RNPS1: variants seen among roughly 807,000 people sequenced by gnomAD.
RNPS1 encodes the protein RNA-binding protein with serine-rich domain 1.
For synonymous variants in RNPS1, 147 were observed against 150.0 expected, an observed-to-expected ratio of 0.98 and a Z score of 0.15; for missense variants, 300 against 427.6, an observed-to-expected ratio of 0.70 and a Z score of 2.63.
At chr16:2,263,018 G>C in intron 4 of RNPS1, 78 bp downstream of exon 4, 5 of 1,467,606 alleles carry the variant, frequency 3.4e-6, no homozygotes, top group Non-Finnish European at 4.7e-6. Flanking sequence ...GACTCCTTTT[G>C]GGTCCCTTTT....
chr16:2,255,458 G>C, intron 7 of RNPS1, 127 bp downstream of exon 7: 1 of 1,115,930 alleles, frequency 9.0e-7, no homozygotes. Context: ...AGCTCTGAAG[G>C]GCTCCTGCTC....
At chr16:2,254,109 G>T in intron 7 of RNPS1, 46 bp from the exon 8 acceptor site, 2 of 1,330,196 alleles carry the variant, frequency 1.5e-6, no homozygotes, top group Non-Finnish European at 2.0e-6. Flanking sequence ...AGGCTGTAGG[G>T]GCAAGCTAGC....
intron 6 of RNPS1, among the ~76,000 whole-genome samples, chr16:2,261,086 T>G (rs578111932): frequency 6.6e-6 from 1 of 151,320 alleles, no homozygotes; most frequent in South Asian, 2.1e-4. Context: ...GCCGAGGTGG[T>G]GCTACTGCAC....
In RNPS1 at chr16:2,264,717, G is replaced by A. The variant is rs995065621; in HGVS notation, c.-74C>T. 3.8e-6 allele frequency: 6 copies of A among 1,591,774 alleles called. No individual in the cohort carries two copies. In the African/African-American group the frequency reaches 4.0e-5, roughly 11 times the overall value. On this transcript the variant is annotated 5_prime_UTR_variant, in exon 2 of 8. The change creates a premature stop within an existing upstream ORF in the 5' untranslated region. Transcript: ENST00000320225. Reference sequence around the variant, plus strand: ...GAACTCTCACTTCTAACTTGATTCTGAGAAACGATCCCTAATCGATTGCAA... The same window carrying A: ...GAACTCTCACTTCTAACTTGATTCTAAGAAACGATCCCTAATCGATTGCAA...
At chr16:2,260,147 C>CTTTTTTTTT (rs776703032) in intron 6 of RNPS1, among the ~76,000 whole-genome samples, 3 of 72,432 alleles carry the variant, frequency 4.1e-5, no homozygotes, top group Admixed American at 1.4e-4. Flanking sequence ...TGTGTGTATT[C>CTTTTTTTTT]TTTTTTTTTT....
intron 6 of RNPS1, chr16:2,258,358 T>C (rs1346982312): frequency 1.3e-5 from 2 of 152,380 alleles, no homozygotes; most frequent in East Asian, 1.9e-4. Flanking sequence ...CCAAGAATAG[T>C]GTTCCTTTAA....
At position 2,268,066 on chromosome 16, in the gene RNPS1, G is replaced by C. The variant is rs1436969674; in HGVS notation, c.-129C>G. ...CCGCCCCAACTTACATCTTCCCGCC[G>C]CCGCCACCTCCTCCTGCTTTCCTCA... On this transcript the variant is annotated 5_prime_UTR_variant, in exon 1 of 8. Coordinates refer to ENST00000320225, the MANE Select transcript of RNPS1 (RefSeq NM_080594.4). 1 of 1,535,058 alleles carries C rather than the reference G, an allele frequency of 6.5e-7. No individual in the cohort carries two copies. The highest frequency in any genetic ancestry group is 8.7e-7 in the Non-Finnish European group (1 of 1,146,654).
chr16:2,264,932 T>A (rs2093619179), intron 1 of RNPS1, 172 bp from the exon 2 acceptor site: 3 of 376,260 alleles, frequency 8.0e-6, no homozygotes, highest in Middle Eastern at 7.6e-4. Flanking sequence ...TGGAGGCGTC[T>A]CTACCCCGCA....
chr16:2,253,894 T>G lies in RNPS1; in HGVS notation c.*70A>C. On this transcript the variant is annotated 3_prime_UTR_variant, in exon 8 of 8. Transcript: ENST00000320225. ...GTTTGCTTTCCTACTGGTCTTCCTTTGGCTAGAAAAGTGACAAAACTGAGC... is the reference window on the plus strand; with the variant it reads ...GTTTGCTTTCCTACTGGTCTTCCTTGGGCTAGAAAAGTGACAAAACTGAGC... The G allele has an allele frequency of 7.2e-7, 1 of 1,384,848 alleles. No individual in the cohort carries two copies. Among genetic ancestry groups the G allele is most frequent in the Non-Finnish European group, 1.0e-6 (1 of 994,972 alleles). The allele number at this position is 1,384,848 out of a possible 1,614,324, so 85.8% of individuals were successfully genotyped here.
At chr16:2,255,525 T>C in intron 7 of RNPS1, 60 bp downstream of exon 7, 1 of 1,520,748 alleles carries the variant, frequency 6.6e-7, no homozygotes, top group Non-Finnish European at 8.8e-7. Context: ...GGTCTGAAAG[T>C]CACTGCGGTC....
intron 1 of RNPS1, 67 bp downstream of exon 1, chr16:2,267,988 G>A: frequency 6.5e-7 from 1 of 1,533,416 alleles, no homozygotes; most frequent in Non-Finnish European, 8.7e-7. Context: ...GGCTTCACGA[G>A]GCGTCCTGCC....
At chr16:2,259,064 A>C (rs1022198585) in intron 6 of RNPS1, among the ~76,000 whole-genome samples, 4 of 150,576 alleles carry the variant, frequency 2.7e-5, no homozygotes, top group South Asian at 4.2e-4. Flanking sequence ...CGGAGGTTGC[A>C]GTGAGCCAAG....
chr16:2,263,497 G>A (rs1202740917), intron 3 of RNPS1, among the ~76,000 whole-genome samples: 3 of 152,212 alleles, frequency 2.0e-5, no homozygotes, highest in Admixed American at 6.5e-5. Context: ...CAGGACAGAG[G>A]TGATGGGCTG....
Position 2,266,058 on chromosome 16 carries a change from G to A in RNPS1, c.-117-1298C>T, listed in dbSNP as rs562307412. On this transcript the variant is annotated intron_variant, in intron 1 of 7. Transcript: ENST00000320225. ...TAGTAAGGCTCTGCACAAGCTGCAG[G>A]AGTTGTTAAGTGAAGATCTCAGGAA... 8.5e-6 allele frequency: 8 copies of A among 942,582 alleles called. No individual in the cohort carries two copies. In the East Asian group the frequency reaches 4.6e-4, roughly 55 times the overall value. The allele number at this position is 942,582 out of a possible 1,614,324, so 58.4% of individuals were successfully genotyped here. A position where few individuals can be genotyped will look rare whatever the true frequency, so the allele number is the denominator to read the frequency against.
At chr16:2,257,604 C>CG (rs1239793245) in intron 6 of RNPS1, 2 of 152,080 alleles carry the variant, frequency 1.3e-5, no homozygotes, top group Admixed American at 1.3e-4. Flanking sequence ...AGAAGGTACC[C>CG]GGGTCCCCTG....
chr16:2,268,052 T>C lies in RNPS1; in HGVS notation c.-118+3A>G. 6.5e-7 allele frequency: 1 copy of C among 1,534,546 alleles called. No homozygotes were observed. Among genetic ancestry groups the C allele is most frequent in the Non-Finnish European group, 8.7e-7 (1 of 1,146,610 alleles). Reference sequence around the variant, plus strand: ...GATGCAGTCGGATTCCGCCCCAACTTACATCTTCCCGCCGCCGCCACCTCC... The same window carrying C: ...GATGCAGTCGGATTCCGCCCCAACTCACATCTTCCCGCCGCCGCCACCTCC... On this transcript the variant is annotated splice_donor_region_variant and intron_variant, in intron 1 of 7. Coordinates refer to ENST00000320225, the MANE Select transcript of RNPS1 (RefSeq NM_080594.4).
chr16:2,266,579 G>A (rs1243783139), intron 1 of RNPS1: 7 of 984,824 alleles, frequency 7.1e-6, no homozygotes, highest in Non-Finnish European at 8.4e-6. Flanking sequence ...TAAATGTTAG[G>A]AGCAAGAGTT....
At position 2,262,343 on chromosome 16, in the gene RNPS1, C is replaced by A; in HGVS notation, c.611G>T (p.Gly204Val). 1.2e-6 allele frequency: 2 copies of A among 1,614,052 alleles called. No homozygotes were observed. Among genetic ancestry groups the A allele is most frequent in the Non-Finnish European group, 1.7e-6 (2 of 1,180,014 alleles). ...VERMHPHLSK[G>V]YAYVEFENPD... Reference sequence around the variant, plus strand: ...ATTCTCAAACTCTACGTACGCATAGCCTTTGGACAGATGGGGATGCATCCT... The same window carrying A: ...ATTCTCAAACTCTACGTACGCATAGACTTTGGACAGATGGGGATGCATCCT... The change falls in exon 6 of 8, where the codon GGC (glycine) becomes GTC (valine). Residue 204 changes from glycine (G) to valine (V), a missense_variant. Transcript: ENST00000320225.
intron 1 of RNPS1, 140 bp downstream of exon 1, chr16:2,267,915 T>C: frequency 6.5e-7 from 1 of 1,532,586 alleles, no homozygotes; most frequent in African/African-American, 1.4e-5. Flanking sequence ...CCACACTCTT[T>C]CTTCTCGGAG....
Sources: allele counts gnomAD v4.1 joint callset (sites outside exome capture counted in the v4.1 genomes callset), GRCh38; gene constraint gnomAD v4.1.1; transcripts MANE v1.5; gene names NCBI Gene and HGNC (gene_info 2026-07-23, HGNC 2026-07-21).